DIS3: variants seen among roughly 807,000 people sequenced by gnomAD.
DIS3 encodes the protein exosome complex exonuclease RRP44.
Under a neutral mutation model 113.0 loss-of-function variants are expected in DIS3, and 103 were observed. The ratio of observed to expected loss-of-function variants is 0.91; its 90% CI spans 0.78 to 1.07. The LOEUF is 1.07. Ranked by LOEUF, DIS3 falls within the 50% of genes least tolerant of loss-of-function variation. The pLI is 0.00. For synonymous variants in DIS3, 402 were observed against 394.3 expected (o/e 1.02, Z -0.23); for missense variants, 1,121 against 1,167.1 (o/e 0.96, Z 0.58).
Position 72,763,445 on chromosome 13 carries a change from C to A in DIS3, c.2127+6G>T. 1 of 1,610,630 alleles carries A rather than the reference C, an allele frequency of 6.2e-7. No homozygotes were observed. Among genetic ancestry groups the A allele is most frequent in the Non-Finnish European group, 8.5e-7 (1 of 1,178,938 alleles). ...ATAGATGATTTTTCAAACTGTAGGA[C>A]CTTACCCTTGACCTGGCTGCCTTAA... is the stretch of plus-strand genomic sequence containing the variant. On this transcript the variant is annotated splice_donor_region_variant and intron_variant, in intron 16 of 20. Transcript: ENST00000377767.
Position 72,780,826 on chromosome 13 carries a change from T to A in DIS3, c.386+20A>T. 1 of 1,573,350 alleles carries A rather than the reference T, an allele frequency of 6.4e-7. No homozygotes were observed. Reference sequence around the variant, plus strand: ...GCTAATCCTGTGGTTTTCTGATATTTAACGTAATATTCCTCCTACCTATGG... The same window carrying A: ...GCTAATCCTGTGGTTTTCTGATATTAAACGTAATATTCCTCCTACCTATGG... On this transcript the variant is annotated intron_variant, in intron 2 of 20. Coordinates refer to ENST00000377767, the MANE Select transcript of DIS3 (RefSeq NM_014953.5).
chr13:72,753,890 G>C lies in DIS3; in HGVS notation c.*5905C>G, dbSNP rs1447347988. 2 of 1,403,976 alleles carry C rather than the reference G, an allele frequency of 1.4e-6. No individual in the cohort carries two copies. Among genetic ancestry groups the C allele is most frequent in the Non-Finnish European group, 9.8e-7 (1 of 1,021,956 alleles). 87.0% of individuals were successfully genotyped at this position (1,403,976 alleles called of 1,614,324 possible). A position where few individuals can be genotyped will look rare whatever the true frequency, so the allele number is the denominator to read the frequency against. The stretch of plus-strand genomic sequence containing the variant: ...AAATATAAAATAATTTTGATTATTA[G>C]ACAATAGTACTATTGAGAAACTATA... On this transcript the variant is annotated 3_prime_UTR_variant, in exon 21 of 21. Coordinates refer to ENST00000377767, the MANE Select transcript of DIS3 (RefSeq NM_014953.5).
chr13:72,775,853 A>C (rs1006044776), intron 5 of DIS3, 72 bp downstream of exon 5: 34 of 1,245,870 alleles, frequency 2.7e-5, no homozygotes, highest in Non-Finnish European at 4.4e-6. Context: ...AATAGTATTT[A>C]CCATTAAGTG....
chr13:72,769,496 C>CA (rs2033835247), intron 13 of DIS3, among the ~76,000 whole-genome samples: 1 of 141,586 alleles, frequency 7.1e-6, no homozygotes, highest in Admixed American at 7.1e-5. Flanking sequence ...ATTTTTTTTC[C>CA]TTTTTTTTTT....
rs1463945160 is a variant in DIS3 at position 72,765,972 on chromosome 13, C to T, written c.1970G>A (p.Arg657Lys). The stretch of plus-strand genomic sequence containing the variant: ...AATGCCCATCAAAAAAATTACAAAC[C>T]TAAGTTCCTTGGTCTGCAGATCTAT... Reference protein sequence around the residue: ...DPIDLQTKELRETNSMVEEFM... With the variant: ...DPIDLQTKELKETNSMVEEFM... The change falls in exon 15 of 21, where the codon AGG becomes AAG. Residue 657 changes from arginine (R) to lysine (K), a missense_variant and splice_region_variant. By Grantham distance (26) the Arg-to-Lys change is conservative (BLOSUM62 2). Transcript: ENST00000377767. 2 of 1,596,546 alleles carry T rather than the reference C, an allele frequency of 1.3e-6. No homozygotes were observed. Among genetic ancestry groups the T allele is most frequent in the Non-Finnish European group, 1.7e-6 (2 of 1,172,320 alleles).
intron 15 of DIS3, among the ~76,000 whole-genome samples, chr13:72,764,947 A>G (rs2033710635): frequency 6.6e-6 from 1 of 152,156 alleles, no homozygotes; most frequent in Non-Finnish European, 1.5e-5. Context: ...CAGAAGTTCT[A>G]CTATAAGGGA....
At chr13:72,771,327 T>C (rs1345754054) in intron 11 of DIS3, among the ~76,000 whole-genome samples, 182 bp from the exon 12 acceptor site, 4 of 152,128 alleles carry the variant, frequency 2.6e-5, no homozygotes, top group Admixed American at 6.5e-5. Context: ...TTATACAAAA[T>C]TGTTAAAGAA....
rs182902184 is a variant in DIS3, at chr13:72,770,934, C to T, written c.1725G>A (p.Thr575=). Residue 575 remains threonine, a synonymous_variant, in exon 13 of 21, where the codon ACG becomes ACA. Coordinates refer to ENST00000377767, the MANE Select transcript of DIS3 (RefSeq NM_014953.5). ...EMNHNAEILK[T]KFTKSVINSK... is the part of the protein sequence containing the mutation. ...AATTAATAACACTTTTGGTAAACTT[C>T]GTTTTTAAGATTTCAGCATTGTGAT... The T allele has an allele frequency of 3.5e-5, 57 of 1,606,486 alleles. No individual in the cohort carries two copies. The East Asian group carries it at 6.5e-4, about 18-fold the overall frequency.
chr13:72,773,550 G>C (rs1210028964), intron 8 of DIS3, 134 bp downstream of exon 8: 2 of 937,872 alleles, frequency 2.1e-6, no homozygotes, highest in South Asian at 1.9e-5. Flanking sequence ...CTACTTACCA[G>C]GTCACTTTGT....
Position 72,773,769 on chromosome 13 carries a change from A to G in DIS3, c.1154T>C (p.Ile385Thr), listed in dbSNP as rs1200199467. The G allele has an allele frequency of 6.2e-7, 1 of 1,613,966 alleles. No homozygotes were observed. The highest frequency in any genetic ancestry group is 1.3e-5 in the African/African-American group (1 of 74,934). The change falls in exon 8 of 21, where the codon ATA (isoleucine) becomes ACA (threonine). Residue 385 changes from isoleucine to threonine, a missense_variant. Ile to Thr is a moderately conservative substitution (Grantham distance 89). Coordinates refer to ENST00000377767, the MANE Select transcript of DIS3 (RefSeq NM_014953.5). ...TAATGTGGAAGCCTGTCTGGTTTCTATGCGAATTCGAGGGATTCTCTTATC... is the reference window on the plus strand; with the variant it reads ...TAATGTGGAAGCCTGTCTGGTTTCTGTGCGAATTCGAGGGATTCTCTTATC... Reference protein sequence around the residue: ...PADKRIPRIRIETRQASTLEG... With the variant: ...PADKRIPRIRTETRQASTLEG...
chr13:72,766,894 T>C (rs1459802992), intron 14 of DIS3, among the ~76,000 whole-genome samples: 3 of 152,162 alleles, frequency 2.0e-5, no homozygotes, highest in African/African-American at 7.2e-5. Context: ...TAAGTCTAAG[T>C]CCTTGTCTTC....
Position 72,778,230 on chromosome 13 carries a change from T to C in DIS3, c.537A>G (p.Arg179=), listed in dbSNP as rs1275238943. The C allele has an allele frequency of 5.0e-6, 8 of 1,603,292 alleles. No individual in the cohort carries two copies. In the East Asian group the frequency reaches 1.1e-4, roughly 22 times the overall value. Residue 179 remains arginine (R), a synonymous_variant, in exon 3 of 21, where the codon AGA becomes AGG. Coordinates refer to ENST00000377767, the MANE Select transcript of DIS3 (RefSeq NM_014953.5). ...CTTCTTCTATGGCTTTCTCTTTGTT[T>C]CTCCTGTCATTTGTTATGAAGATAA... ...LQVIFITNDR[R]NKEKAIEEGI... is the part of the protein sequence containing the mutation.
chr13:72,764,214 T>G (rs1373672052), intron 15 of DIS3, among the ~76,000 whole-genome samples: 1 of 152,064 alleles, frequency 6.6e-6, no homozygotes, highest in East Asian at 1.9e-4. Flanking sequence ...ATAAATGAAA[T>G]GAAAACAAGC....
At chr13:72,776,301 A>T (rs1332580128) in intron 4 of DIS3, among the ~76,000 whole-genome samples, 5 of 152,216 alleles carry the variant, frequency 3.3e-5, no homozygotes, top group Non-Finnish European at 7.3e-5. Context: ...GATCTCTAAT[A>T]TGGTAGCCAC....
At chr13:72,760,732 A>G (rs1343448977) in intron 19 of DIS3, 81 bp from the exon 20 acceptor site, 22 of 1,487,492 alleles carry the variant, frequency 1.5e-5, no homozygotes, top group Non-Finnish European at 1.9e-5. Flanking sequence ...TTTATCTTAC[A>G]TAGTAGAAGT....
rs2138109109 is a variant in DIS3 at position 72,752,505 on chromosome 13, A to G, written c.*7290T>C. 6.6e-6 allele frequency: 1 copy of G among 152,306 alleles called. No individual in the cohort carries two copies. Among genetic ancestry groups the G allele is most frequent in the East Asian group, 1.9e-4 (1 of 5,182 alleles). 9.4% of individuals were successfully genotyped at this position (152,306 alleles called of 1,614,324 possible). Reference sequence around the variant, plus strand: ...ACTAATGAGTAACTCTTCCCTCCATATATATCCAGTTACATATTAGTATTG... The same window carrying G: ...ACTAATGAGTAACTCTTCCCTCCATGTATATCCAGTTACATATTAGTATTG... On this transcript the variant is annotated 3_prime_UTR_variant, in exon 21 of 21. Coordinates refer to ENST00000377767, the MANE Select transcript of DIS3 (RefSeq NM_014953.5).
At chr13:72,775,709 G>A (rs990319599) in intron 5 of DIS3, among the ~76,000 whole-genome samples, 1 of 151,604 alleles carries the variant, frequency 6.6e-6, no homozygotes, top group Admixed American at 6.6e-5. Context: ...GTTTTTATAG[G>A]TTGGGTTGAA....
chr13:72,781,564 C>G, intron 1 of DIS3, 41 bp downstream of exon 1: 1 of 1,478,070 alleles, frequency 6.8e-7, no homozygotes, highest in East Asian at 2.5e-5. Context: ...CCCCCTTGTC[C>G]CCGTGGGGCC....
rs185753598 is a variant in DIS3, at chr13:72,777,908, T to C, written c.580+279A>G. The stretch of plus-strand genomic sequence containing the variant: ...TTAAAAAACAAAACCCAAAAATCTG[T>C]TGATGTGATCATACCTAAGCAGAAG... On this transcript the variant is annotated intron_variant, in intron 3 of 20. Coordinates refer to ENST00000377767, the MANE Select transcript of DIS3 (RefSeq NM_014953.5). Among the ~76,000 whole-genome samples the C allele has an allele frequency of 3.9e-5, 6 of 152,266 alleles. 1 individual carries two copies. The highest frequency in any genetic ancestry group is 3.9e-4 in the Admixed American group (6 of 15,286).
Sources: allele counts gnomAD v4.1 joint callset (sites outside exome capture counted in the v4.1 genomes callset), GRCh38; gene constraint gnomAD v4.1.1; transcripts MANE v1.5; gene names NCBI Gene and HGNC (gene_info 2026-07-23, HGNC 2026-07-21).